The following ORAI3 variants were observed in gnomAD, a reference collection of about 807,000 sequenced individuals.
ORAI3 encodes the protein protein orai-3.
ORAI3 carries 15 observed loss-of-function variants against 17.2 expected under a neutral mutation model. That is an observed-to-expected ratio of 0.87 (90% CI 0.58 to 1.34). The LOEUF is 1.34. Among genes scored for constraint, ORAI3 ranks in the 40% most tolerant of loss-of-function variants. The pLI is 0.00. For synonymous variants in ORAI3, 178 were observed against 172.4 expected (o/e 1.03, Z -0.25); for missense variants, 405 against 396.7 (o/e 1.02, Z -0.18).
intron 1 of ORAI3, among the ~76,000 whole-genome samples, chr16:30,952,725 ACATG>A (rs1186281022): frequency 6.6e-6 from 1 of 151,814 alleles, no homozygotes; most frequent in Non-Finnish European, 1.5e-5. Flanking sequence ...GAGTGCAGTC[ACATG>A]ATCTCGGCTC....
rs549139243 is a variant in ORAI3 at position 30,953,763 on chromosome 16, C to T, written c.807C>T (p.Ser269=). The change falls in exon 2 of 2, where the codon TCC becomes TCT. Residue 269 remains serine (S), a synonymous_variant. Transcript: ENST00000318663. ...CCTTTGCCCTGCATTTCTACCGCTC[C>T]TTGGTGGCACACAAGACAGACCGCT... is the stretch of plus-strand genomic sequence containing the variant. ...FVAFALHFYR[S]LVAHKTDRYK... 1.2e-6 allele frequency: 2 copies of T among 1,614,112 alleles called. No individual in the cohort carries two copies. Among genetic ancestry groups the T allele is most frequent in the East Asian group, 4.5e-5 (2 of 44,880 alleles).
At chr16:30,950,181 C>T (rs530789967) in intron 1 of ORAI3, among the ~76,000 whole-genome samples, 30 of 152,230 alleles carry the variant, frequency 2.0e-4, no homozygotes, top group Admixed American at 7.8e-4. Context: ...AGGGAGGTCC[C>T]AGGGTGAGGA....
At chr16:30,950,459 C>T (rs1317838113) in intron 1 of ORAI3, among the ~76,000 whole-genome samples, 1 of 152,194 alleles carries the variant, frequency 6.6e-6, no homozygotes, top group African/African-American at 2.4e-5. Context: ...CCCAGGGTTG[C>T]TGCTCTGTTA....
At chr16:30,949,621 G>A (rs943155387) in intron 1 of ORAI3, 104 bp downstream of exon 1, 10 of 783,852 alleles carry the variant, frequency 1.3e-5, no homozygotes, top group Non-Finnish European at 1.7e-5. Flanking sequence ...AGGTTAAAGG[G>A]GGCTTTCGTC....
At chr16:30,950,189 G>A (rs1453518509) in intron 1 of ORAI3, among the ~76,000 whole-genome samples, 2 of 152,170 alleles carry the variant, frequency 1.3e-5, no homozygotes, top group Non-Finnish European at 2.9e-5. Flanking sequence ...CCCAGGGTGA[G>A]GATCAGCAGA....
At position 30,954,301 on chromosome 16, in the gene ORAI3, T is replaced by C; in HGVS notation, c.*457T>C. On this transcript the variant is annotated 3_prime_UTR_variant, in exon 2 of 2. Coordinates refer to ENST00000318663, the MANE Select transcript of ORAI3 (RefSeq NM_152288.3). The stretch of plus-strand genomic sequence containing the variant: ...GATACAGTCACAGCTCACTGTAGCC[T>C]CGACCTTCCAGGCTCAAAAGATGCT... The C allele has an allele frequency of 1.7e-6, 1 of 586,574 alleles. No homozygotes were observed. The highest frequency in any genetic ancestry group is 2.0e-5 in the South Asian group (1 of 49,520). The allele number at this position is 586,574 out of a possible 1,614,324, so 36.3% of individuals were successfully genotyped here.
At chr16:30,952,128 CTTTTTT>C (rs59673229) in intron 1 of ORAI3, among the ~76,000 whole-genome samples, 2 of 95,850 alleles carry the variant, frequency 2.1e-5, no homozygotes. Context: ...TCTTATCTTT[CTTTTTT>C]TTTTTTTTTT....
Position 30,953,506 on chromosome 16 carries a change from C to G in ORAI3, c.550C>G (p.Pro184Ala), listed in dbSNP as rs199540739. 7 of 1,614,266 alleles carry G rather than the reference C, an allele frequency of 4.3e-6. No homozygotes were observed. The highest frequency in any genetic ancestry group is 1.7e-5 in the Admixed American group (1 of 60,036). Reference protein sequence around the residue: ...FVPIGAPLDTPTPMVPTSRVP... With the variant: ...FVPIGAPLDTATPMVPTSRVP... ...GCCCATTGGGGCTCCCTTGGACACACCGACCCCCATGGTGCCCACATCCCG... is the reference window on the plus strand; with the variant it reads ...GCCCATTGGGGCTCCCTTGGACACAGCGACCCCCATGGTGCCCACATCCCG... Residue 184 changes from proline (P) to alanine (A), a missense_variant, in exon 2 of 2, where the codon CCG (proline) becomes GCG (alanine). Transcript: ENST00000318663.
chr16:30,949,152 T>C lies in ORAI3; in HGVS notation c.-138T>C. 1 of 554,600 alleles carries C rather than the reference T, an allele frequency of 1.8e-6. No homozygotes were observed. The highest frequency in any genetic ancestry group is 2.9e-6 in the Non-Finnish European group (1 of 340,068). 34.4% of individuals were successfully genotyped at this position (554,600 alleles called of 1,614,324 possible). On this transcript the variant is annotated 5_prime_UTR_variant, in exon 1 of 2. Transcript: ENST00000318663. ...CTTTTCTTGCTCCACTGGGGGTGCCTCTTCCTGGGCGCCCGCCGCCTGCAT... is the reference window on the plus strand; with the variant it reads ...CTTTTCTTGCTCCACTGGGGGTGCCCCTTCCTGGGCGCCCGCCGCCTGCAT...
intron 1 of ORAI3, 67 bp downstream of exon 1, chr16:30,949,584 GC>G: frequency 2.0e-6 from 1 of 488,142 alleles, no homozygotes; most frequent in Non-Finnish European, 3.5e-6. Context: ...CGGGGGGGGG[GC>G]GAAGTAAACA....
At position 30,949,212 on chromosome 16, in the gene ORAI3, GGGCTTGGGCCGGCCC is replaced by G. The variant is rs568474618; in HGVS notation, c.-73_-59del. The G allele has an allele frequency of 0.011, 11,573 of 1,070,716 alleles. 85 individuals are homozygous for G. The highest frequency in any genetic ancestry group is 0.012 in the Non-Finnish European group (9,447 of 802,660). 66.3% of individuals were successfully genotyped at this position (1,070,716 alleles called of 1,614,324 possible). A position where few individuals can be genotyped will look rare whatever the true frequency, so the allele number is the denominator to read the frequency against. On this transcript the variant is annotated 5_prime_UTR_variant, in exon 1 of 2. Coordinates refer to ENST00000318663, the MANE Select transcript of ORAI3 (RefSeq NM_152288.3). ...CCTGTCTGGGAATGGGGCCGCCCCC[GGGCTTGGGCCGGCCC>G]GGCTGGGGCCCCCGAGGCGCTTCCG...
At position 30,949,335 on chromosome 16, in the gene ORAI3, C is replaced by T. The variant is rs1377598138; in HGVS notation, c.46C>T (p.Pro16Ser). Residue 16 changes from proline to serine, a missense_variant, in exon 1 of 2, where the codon CCT becomes TCT. Pro to Ser is a moderately conservative substitution (Grantham distance 74, BLOSUM62 -1). Transcript: ENST00000318663. ...GDAGEQAPLN[P>S]EGESPAGSAT... The stretch of plus-strand genomic sequence containing the variant: ...CGCGGGCGAGCAGGCCCCGCTGAAC[C>T]CTGAGGGCGAGAGCCCTGCAGGCTC... 4 of 1,499,496 alleles carry T rather than the reference C, an allele frequency of 2.7e-6. No individual in the cohort carries two copies. The highest frequency in any genetic ancestry group is 3.6e-6 in the Non-Finnish European group (4 of 1,125,798). 92.9% of individuals were successfully genotyped at this position (1,499,496 alleles called of 1,614,324 possible). A position where few individuals can be genotyped will look rare whatever the true frequency, so the allele number is the denominator to read the frequency against.
chr16:30,949,468 A>G lies in ORAI3; in HGVS notation c.179A>G (p.Lys60Arg), dbSNP rs2055911099. The change falls in exon 1 of 2, where the codon AAG (lysine) becomes AGG (arginine). Residue 60 changes from lysine (K) to arginine (R), a missense_variant. Coordinates refer to ENST00000318663, the MANE Select transcript of ORAI3 (RefSeq NM_152288.3). ...SWRRLYLSRA[K>R]LKASSRTSAL... ...CGCCGCCTCTACCTCAGCCGGGCCAAGCTCAAAGCTTCCAGCCGCACGTCT... is the reference window on the plus strand; with the variant it reads ...CGCCGCCTCTACCTCAGCCGGGCCAGGCTCAAAGCTTCCAGCCGCACGTCT... 2 of 1,605,710 alleles carry G rather than the reference A, an allele frequency of 1.2e-6. No homozygotes were observed. Among genetic ancestry groups the G allele is most frequent in the Non-Finnish European group, 1.7e-6 (2 of 1,177,568 alleles).
chr16:30,953,117 G>A lies in ORAI3; in HGVS notation c.229-68G>A, dbSNP rs116836252. 1,282 of 1,464,350 alleles carry A rather than the reference G, an allele frequency of 8.8e-4. 6 individuals carry two copies. In the African/African-American group the frequency reaches 0.012, roughly 14 times the overall value. The allele number at this position is 1,464,350 out of a possible 1,614,324, so 90.7% of individuals were successfully genotyped here. A position where few individuals can be genotyped will look rare whatever the true frequency, so the allele number is the denominator to read the frequency against. The stretch of plus-strand genomic sequence containing the variant: ...GGGATATGTATCAGTGATGTATCCC[G>A]ATAGGCGGAAAAAATCTCTACAGTT... On this transcript the variant is annotated intron_variant, in intron 1 of 1. Coordinates refer to ENST00000318663, the MANE Select transcript of ORAI3 (RefSeq NM_152288.3).
chr16:30,952,291 C>T (rs567961675), intron 1 of ORAI3, among the ~76,000 whole-genome samples: 7 of 152,008 alleles, frequency 4.6e-5, no homozygotes, highest in Admixed American at 2.6e-4. Flanking sequence ...CACACCACCA[C>T]GCCCGGCTAA....
In ORAI3 at chr16:30,953,179, C is replaced by T; in HGVS notation, c.229-6C>T. The T allele has an allele frequency of 6.4e-7, 1 of 1,570,628 alleles. No individual in the cohort carries two copies. Among genetic ancestry groups the T allele is most frequent in the Non-Finnish European group, 8.6e-7 (1 of 1,158,778 alleles). On this transcript the variant is annotated splice_region_variant and splice_polypyrimidine_tract_variant and intron_variant, in intron 1 of 1. Coordinates refer to ENST00000318663, the MANE Select transcript of ORAI3 (RefSeq NM_152288.3). Reference sequence around the variant, plus strand: ...GAGATCAGTACATCCCCTCTTGTCCCTGCAGGTGGCCATGGTGGAGGTGCA... The same window carrying T: ...GAGATCAGTACATCCCCTCTTGTCCTTGCAGGTGGCCATGGTGGAGGTGCA...
Position 30,949,446 on chromosome 16 carries a change from C to T in ORAI3, c.157C>T (p.Arg53Cys), listed in dbSNP as rs1252857008. Residue 53 changes from arginine (R) to cysteine (C), a missense_variant, in exon 1 of 2, where the codon CGC (arginine) becomes TGC (cysteine). Physicochemically the swap from Arg to Cys is radical, Grantham distance 180 (BLOSUM62 -3). Transcript: ENST00000318663. ...QHSLRALSWR[R>C]LYLSRAKLKA... is the part of the protein sequence containing the mutation. ...CTCGCTGCGGGCGCTCAGCTGGCGC[C>T]GCCTCTACCTCAGCCGGGCCAAGCT... 1.9e-6 allele frequency: 3 copies of T among 1,608,014 alleles called. No individual in the cohort carries two copies. Among genetic ancestry groups the T allele is most frequent in the Non-Finnish European group, 1.7e-6 (2 of 1,178,604 alleles).
rs1358060096 is a variant in ORAI3 at position 30,954,246 on chromosome 16, G to A, written c.*402G>A. Reference sequence around the variant, plus strand: ...TGGTTTAATTTTTTTTTTTTTTTGAGACAGTCTGTTTCCCAGGCTGGAGTG... The same window carrying A: ...TGGTTTAATTTTTTTTTTTTTTTGAAACAGTCTGTTTCCCAGGCTGGAGTG... On this transcript the variant is annotated 3_prime_UTR_variant, in exon 2 of 2. Transcript: ENST00000318663. The A allele has an allele frequency of 1.6e-6, 1 of 629,616 alleles. No individual in the cohort carries two copies. The highest frequency in any genetic ancestry group is 2.8e-6 in the Non-Finnish European group (1 of 352,248). The allele number at this position is 629,616 out of a possible 1,614,324, so 39.0% of individuals were successfully genotyped here.
rs1266171959 is a variant in ORAI3, at chr16:30,953,823, G to C, written c.867G>C (p.Gln289His). ...AACTAGAGGAACTGAATCGCCTGCA[G>C]GGGGAGCTGCAGGCTGTGTGAGACT... The part of the protein sequence containing the change: ...KQELEELNRL[Q>H]GELQAV The change falls in exon 2 of 2, where the codon CAG becomes CAC. Residue 289 changes from glutamine (Q) to histidine (H), a missense_variant. By Grantham distance (24) the Gln-to-His change is conservative. Transcript: ENST00000318663. The C allele has an allele frequency of 2.5e-6, 4 of 1,610,908 alleles. No individual in the cohort carries two copies. The Admixed American group carries it at 6.7e-5, about 27-fold the overall frequency.
Sources: allele counts gnomAD v4.1 joint callset (sites outside exome capture counted in the v4.1 genomes callset), GRCh38; gene constraint gnomAD v4.1.1; transcripts MANE v1.5; gene names NCBI Gene and HGNC (gene_info 2026-07-23, HGNC 2026-07-21).